Variants in ANKLE2 observed in about 807,000 individuals in gnomAD.
ANKLE2 encodes ankyrin repeat and LEM domain containing 2.
A neutral mutation model predicts 84.2 loss-of-function variants in ANKLE2; 55 were observed. The ratio of observed to expected loss-of-function variants is 0.65; its 90% CI spans 0.53 to 0.82. The LOEUF is 0.82. ANKLE2 is among the 40% of genes least tolerant of loss of function. The pLI is 0.00. For missense variants in ANKLE2, 1,238 were observed against 1,201.9 expected (o/e 1.03, Z -0.44); for synonymous variants, 551 against 486.1 (o/e 1.13, Z -1.76).
Position 132,743,787 on chromosome 12 carries a change from C to T in ANKLE2, c.1231-511G>A, listed in dbSNP as rs1448739643. Among the ~76,000 whole-genome samples the T allele has an allele frequency of 6.6e-6, 1 of 152,138 alleles. No individual in the cohort carries two copies. Among genetic ancestry groups the T allele is most frequent in the Non-Finnish European group, 1.5e-5 (1 of 68,038 alleles). ...GAGCTTAGCATACTGACCTGGGTGC[C>T]CAGACCCTGGAGGAGCTTAAATTCT... On this transcript the variant is annotated intron_variant, in intron 5 of 12. Transcript: ENST00000357997. The surrounding 1 kb of genome is among the most constrained non-coding windows in gnomAD (Gnocchi z 4.1).
intron 7 of ANKLE2, among the ~76,000 whole-genome samples, chr12:132,740,645 A>C (rs955357158): frequency 4.6e-5 from 7 of 152,040 alleles, no homozygotes; most frequent in African/African-American, 1.7e-4. Flanking sequence ...GGCAAAGAAG[A>C]GGCGCTTCTA....
intron 11 of ANKLE2, among the ~76,000 whole-genome samples, chr12:132,728,733 G>A (rs759349601): frequency 3.3e-5 from 5 of 152,190 alleles, no homozygotes; most frequent in Admixed American, 2.6e-4. Flanking sequence ...GGGAGGAGTC[G>A]CCTCTGGGTG....
rs1011713728 is a variant in ANKLE2, at chr12:132,759,006, G to A, written c.181+2612C>T. 2.3e-5 allele frequency: 3 copies of A among 133,332 alleles called. No individual in the cohort carries two copies. The Admixed American group carries it at 2.4e-4, about 10-fold the overall frequency. 8.3% of individuals were successfully genotyped at this position (133,332 alleles called of 1,614,324 possible). On this transcript the variant is annotated intron_variant, in intron 1 of 12. Coordinates refer to ENST00000357997, the MANE Select transcript of ANKLE2 (RefSeq NM_015114.3). ...GATCGCTGCGGAGTGGCACCCCGGG[G>A]CACCCACGTGGCAGAGTGGATCGCT...
intron 10 of ANKLE2, among the ~76,000 whole-genome samples, chr12:132,732,663 A>G (rs2043897993): frequency 1.1e-5 from 1 of 94,754 alleles, no homozygotes; most frequent in South Asian, 4.0e-4. Context: ...CTGGTGTCTG[A>G]TACGCACCGT....
chr12:132,731,466 C>T (rs2043843275), intron 10 of ANKLE2: 1 of 152,150 alleles, frequency 6.6e-6, no homozygotes, highest in South Asian at 2.1e-4. Flanking sequence ...AATGAAGTGT[C>T]TTGCGGGCTA....
Position 132,729,994 on chromosome 12 carries a change from T to C in ANKLE2, c.2168A>G (p.Glu723Gly). 6.2e-7 allele frequency: 1 copy of C among 1,613,358 alleles called. No individual in the cohort carries two copies. The highest frequency in any genetic ancestry group is 8.5e-7 in the Non-Finnish European group (1 of 1,179,924). Residue 723 changes from glutamate to glycine, a missense_variant, in exon 11 of 13, where the codon GAA (glutamate) becomes GGA (glycine). Transcript: ENST00000357997. Reference sequence around the variant, plus strand: ...ATCCGAGACAGGTGGCAGATGGGCTTCCTCCCCACGGGGGGCCTTTGGTCT... The same window carrying C: ...ATCCGAGACAGGTGGCAGATGGGCTCCCTCCCCACGGGGGGCCTTTGGTCT... ...GKRPKAPRGE[E>G]AHLPPVSDLT...
Position 132,730,227 on chromosome 12 carries a change from G to T in ANKLE2, c.1935C>A (p.Asp645Glu). ...ISVRAFLDED[D>E]MSLEEIKNRQ... is the part of the protein sequence containing the mutation. Reference sequence around the variant, plus strand: ...GATTTTTTATTTCTTCCAAGCTCATGTCATCTTCATCTAGAAACGCCCTCA... The same window carrying T: ...GATTTTTTATTTCTTCCAAGCTCATTTCATCTTCATCTAGAAACGCCCTCA... The change falls in exon 11 of 13, where the codon GAC (aspartate) becomes GAA (glutamate). Residue 645 changes from aspartate (D) to glutamate (E), a missense_variant. Asp to Glu is a conservative substitution (Grantham distance 45, BLOSUM62 2). Around this residue, in one of 3 missense-constraint regions of ANKLE2, gnomAD observed 802 missense variants for 774.5 expected, o/e 1.04. Transcript: ENST00000357997. The T allele has an allele frequency of 6.3e-7, 1 of 1,585,294 alleles. No homozygotes were observed. Among genetic ancestry groups the T allele is most frequent in the East Asian group, 2.3e-5 (1 of 44,432 alleles).
In ANKLE2 at chr12:132,729,810, C is replaced by G; in HGVS notation, c.2352G>C (p.Gly784=). 6.2e-7 allele frequency: 1 copy of G among 1,613,328 alleles called. No homozygotes were observed. The highest frequency in any genetic ancestry group is 8.5e-7 in the Non-Finnish European group (1 of 1,179,828). ...CACTTTCTGTCCTCCTGTGGCCATT[C>G]CCGAGTTGGTCTGCGGGAGAAGGCT... is the stretch of plus-strand genomic sequence containing the variant. ...LLEPSPADQL[G]NGHRRTESEM... Residue 784 remains glycine (G), a synonymous_variant, in exon 11 of 13, where the codon GGG becomes GGC. Transcript: ENST00000357997.
At chr12:132,741,298 C>T (rs1593158132) in intron 7 of ANKLE2, 121 bp downstream of exon 7, 1 of 941,966 alleles carries the variant, frequency 1.1e-6, no homozygotes, top group Non-Finnish European at 1.6e-6. Context: ...GGAGAGGCTT[C>T]CGAGGGGAGC....
chr12:132,734,473 T>A lies in ANKLE2; in HGVS notation c.1803A>T (p.Glu601Asp). 1 of 1,614,168 alleles carries A rather than the reference T, an allele frequency of 6.2e-7. No homozygotes were observed. The highest frequency in any genetic ancestry group is 8.5e-7 in the Non-Finnish European group (1 of 1,180,038). Residue 601 changes from glutamate to aspartate, a missense_variant, in exon 10 of 13, where the codon GAA (glutamate) becomes GAT (aspartate). Glu to Asp is a conservative substitution (Grantham distance 45). Coordinates refer to ENST00000357997, the MANE Select transcript of ANKLE2 (RefSeq NM_015114.3). ...SSQEGLQRLE[E>D]YLTQQEIGKK... ...TGCCTATTTCCTGCTGTGTGAGATA[T>A]TCTTCTAGTCTTTGCAGGCCTTCCT...
Position 132,735,479 on chromosome 12 carries a change from G to T in ANKLE2, c.1627C>A (p.Pro543Thr). Residue 543 changes from proline to threonine, a missense_variant, in exon 9 of 13, where the codon CCT (proline) becomes ACT (threonine). Coordinates refer to ENST00000357997, the MANE Select transcript of ANKLE2 (RefSeq NM_015114.3). Reference sequence around the variant, plus strand: ...TGAAGGAAGCCTGCTTTCTCTCGAGGTGGAGTTTTCCAGAGCTTGCGAAAA... The same window carrying T: ...TGAAGGAAGCCTGCTTTCTCTCGAGTTGGAGTTTTCCAGAGCTTGCGAAAA... ...EDFRKLWKTP[P>T]REKAGFLHHV... The T allele has an allele frequency of 6.2e-7, 1 of 1,613,762 alleles. No homozygotes were observed. Among genetic ancestry groups the T allele is most frequent in the Non-Finnish European group, 8.5e-7 (1 of 1,179,974 alleles).
In ANKLE2 at chr12:132,727,376, A is replaced by C. The variant is rs2043719980; in HGVS notation, c.2683T>G (p.Tyr895Asp). 2 of 1,561,538 alleles carry C rather than the reference A, an allele frequency of 1.3e-6. No homozygotes were observed. ...GCCACGCTGTTTCTCCCCGGACTGT[A>C]GCTGTGAGGGCCACTGAGATCTGGC... ...QLPDLSGPHS[Y>D]SPGRNSVAGS... The change falls in exon 13 of 13, where the codon TAC (tyrosine) becomes GAC (aspartate). Residue 895 changes from tyrosine (Y) to aspartate (D), a missense_variant. Tyr to Asp is a radical substitution (Grantham distance 160, BLOSUM62 -3). This residue lies in a region of ANKLE2 where 802 missense variants were observed against 774.5 expected (regional missense o/e 1.04). Transcript: ENST00000357997.
chr12:132,729,767 C>T lies in ANKLE2; in HGVS notation c.2395G>A (p.Ala799Thr), dbSNP rs376360110. The T allele has an allele frequency of 2.0e-5, 33 of 1,611,988 alleles. No individual in the cohort carries two copies. Among genetic ancestry groups the T allele is most frequent in the South Asian group, 1.1e-4 (10 of 91,014 alleles). The change falls in exon 11 of 13, where the codon GCT becomes ACT. Residue 799 changes from alanine to threonine, a missense_variant. Physicochemically the swap from Ala to Thr is moderately conservative, Grantham distance 58 (BLOSUM62 0). Around this residue, in one of 3 missense-constraint regions of ANKLE2, gnomAD observed 802 missense variants for 774.5 expected, o/e 1.04. Transcript: ENST00000357997. The stretch of plus-strand genomic sequence containing the variant: ...CTGCTGGGACTCAAGGACATTTTAG[C>T]GATCCTGGCTGACATTTCACTTTCT... ...RTESEMSARI[A>T]KMSLSPSSPR...
chr12:132,749,312 C>T (rs555872878), intron 3 of ANKLE2, among the ~76,000 whole-genome samples: 72 of 152,166 alleles, frequency 4.7e-4, no homozygotes, highest in Non-Finnish European at 8.5e-4. Context: ...CCTGCCACCA[C>T]GGCCAGCTAA....
Position 132,729,938 on chromosome 12 carries a change from GCAAATTCAGTTTAT to G in ANKLE2, c.2210_2223del (p.Asp737AlafsTer6). The G allele has an allele frequency of 6.2e-7, 1 of 1,613,554 alleles. No individual in the cohort carries two copies. The highest frequency in any genetic ancestry group is 1.3e-5 in the African/African-American group (1 of 74,980). On this transcript the variant is annotated frameshift_variant, in exon 11 of 13. Coordinates refer to ENST00000357997, the MANE Select transcript of ANKLE2 (RefSeq NM_015114.3). LOFTEE classifies it high-confidence loss of function. ...TTGGAAACGCTACGTCCTATATTTT[GCAAATTCAGTTTAT>G]CAAACTCAACAGTCAAATCCGAGAC...
chr12:132,747,715 T>C (rs1423204587), intron 5 of ANKLE2, 117 bp downstream of exon 5: 1 of 1,299,260 alleles, frequency 7.7e-7, no homozygotes, highest in Non-Finnish European at 1.0e-6. Flanking sequence ...GTGTAATTGA[T>C]GTATCTTTTC....
Position 132,734,640 on chromosome 12 carries a change from A to G in ANKLE2, c.1701-65T>C. ...GAAAAAATACTCAGAACTACACAGA[A>G]AAAAGCCACTAAAGCTTCAAGTACC... On this transcript the variant is annotated intron_variant, in intron 9 of 12. Transcript: ENST00000357997. The G allele has an allele frequency of 2.7e-6, 4 of 1,481,140 alleles. No individual in the cohort carries two copies. The East Asian group carries it at 7.0e-5, about 26-fold the overall frequency. 91.7% of individuals were successfully genotyped at this position (1,481,140 alleles called of 1,614,324 possible).
chr12:132,728,556 C>T (rs2043757902), intron 11 of ANKLE2, among the ~76,000 whole-genome samples: 2 of 152,166 alleles, frequency 1.3e-5, no homozygotes, highest in African/African-American at 4.8e-5. Context: ...AACTCAAGAA[C>T]CCAGCACACA....
Position 132,743,918 on chromosome 12 carries a change from A to ATTCGT in ANKLE2, c.1231-643_1231-642insACGAA, listed in dbSNP as rs1363156079. Among the ~76,000 whole-genome samples the ATTCGT allele has an allele frequency of 2.6e-5, 4 of 152,212 alleles. No homozygotes were observed. The East Asian group carries it at 7.7e-4, about 29-fold the overall frequency. On this transcript the variant is annotated intron_variant, in intron 5 of 12. Transcript: ENST00000357997. This position sits in a 1 kb window ranked among gnomAD's most constrained non-coding sequence, Gnocchi z 4.1. ...CAGATGAGGACCACAACCAGAATAA[A>ATTCGT]GCAAAGCGCACGAATTTGGTCTGTA...
Sources: allele counts gnomAD v4.1 joint callset (sites outside exome capture counted in the v4.1 genomes callset), GRCh38; gene constraint gnomAD v4.1.1; regional missense constraint gnomAD v4.1.1; non-coding constraint Gnocchi (gnomAD v3.1); transcripts MANE v1.5; gene names NCBI Gene and HGNC (gene_info 2026-07-23, HGNC 2026-07-21).